The following ACAP2 variants were observed in gnomAD, a reference collection of about 807,000 sequenced individuals.
ACAP2 encodes ArfGAP with coiled-coil, ankyrin repeat and PH domains 2.
ACAP2 carries 39 observed loss-of-function variants against 115.8 expected under a neutral mutation model. That is an observed-to-expected ratio of 0.34 (90% confidence interval 0.26 to 0.44). ACAP2 has a LOEUF of 0.44. ACAP2 is among the 20% of genes least tolerant of loss of function. The pLI is 1.00. For synonymous variants in ACAP2, 289 were observed against 315.8 expected, an observed-to-expected ratio of 0.92 and a Z score of 0.90; for missense variants, 662 against 927.6, an observed-to-expected ratio of 0.71 and a Z score of 3.72.
intron 9 of ACAP2, chr3:195,325,412 T>C (rs565659225): frequency 3.1e-4 from 128 of 410,150 alleles, no homozygotes; most frequent in African/African-American, 2.8e-3. Flanking sequence ...TTTAGTGGAC[T>C]GATTTTTTTT....
intron 1 of ACAP2, among the ~76,000 whole-genome samples, chr3:195,433,403 A>C (rs1715290493): frequency 6.6e-6 from 1 of 152,236 alleles, no homozygotes; most frequent in African/African-American, 2.4e-5. Context: ...ATCTAAAAAT[A>C]TAGTTTTACT....
chr3:195,353,273 C>T (rs116420460), intron 4 of ACAP2, among the ~76,000 whole-genome samples: 3,217 of 152,192 alleles, frequency 0.021, 51 homozygotes, highest in Middle Eastern at 0.065. Context: ...AACTAAGCCA[C>T]TCCCAAATTC....
chr3:195,367,034 T>C (rs182327947), intron 4 of ACAP2, among the ~76,000 whole-genome samples: 179 of 128,668 alleles, frequency 1.4e-3, no homozygotes, highest in Admixed American at 2.8e-3. Context: ...TAAAAACTTA[T>C]ATGCCCCCCA....
chr3:195,299,687 A>T (rs898880398), intron 15 of ACAP2, among the ~76,000 whole-genome samples: 6 of 152,126 alleles, frequency 3.9e-5, no homozygotes, highest in Non-Finnish European at 7.4e-5. Flanking sequence ...AAATACAAAA[A>T]ATTAGCTGGG....
chr3:195,395,657 G>C (rs1418467168), intron 1 of ACAP2, among the ~76,000 whole-genome samples: 1 of 152,244 alleles, frequency 6.6e-6, no homozygotes, highest in Non-Finnish European at 1.5e-5. Flanking sequence ...AGCTGCAAGA[G>C]AGACCATATG....
At chr3:195,419,362 G>T (rs1472987014) in intron 1 of ACAP2, 1 of 152,072 alleles carries the variant, frequency 6.6e-6, no homozygotes, top group Non-Finnish European at 1.5e-5. Flanking sequence ...AAATACATAG[G>T]ATTTGAAAGT....
chr3:195,321,699 T>G (rs1052006931), intron 9 of ACAP2, among the ~76,000 whole-genome samples: 1 of 151,518 alleles, frequency 6.6e-6, no homozygotes, highest in Admixed American at 6.6e-5. Context: ...CTGCAACCTC[T>G]GCCTCCCCGT....
chr3:195,418,422 A>C (rs1473866739), intron 1 of ACAP2, among the ~76,000 whole-genome samples: 1 of 152,228 alleles, frequency 6.6e-6, no homozygotes, highest in African/African-American at 2.4e-5. Flanking sequence ...TAAAAGGTAG[A>C]ATTTCCTTCA....
At chr3:195,330,175 A>G (rs1273705997) in intron 8 of ACAP2, among the ~76,000 whole-genome samples, 1 of 152,198 alleles carries the variant, frequency 6.6e-6, no homozygotes, top group Non-Finnish European at 1.5e-5. Context: ...CAATATATTT[A>G]AGCATGAATT....
chr3:195,405,450 GC>G (rs1376083445), intron 1 of ACAP2, among the ~76,000 whole-genome samples: 2 of 152,130 alleles, frequency 1.3e-5, no homozygotes, highest in Non-Finnish European at 2.9e-5. Flanking sequence ...ACTTTGAGAG[GC>G]CAAGGTGGGC....
chr3:195,334,143 G>T (rs1262845947), intron 7 of ACAP2, among the ~76,000 whole-genome samples: 1 of 150,928 alleles, frequency 6.6e-6, no homozygotes, highest in East Asian at 1.9e-4. Context: ...TCAACAAGTG[G>T]CATCTGTTCA....
At chr3:195,431,380 G>C (rs749294563) in intron 1 of ACAP2, among the ~76,000 whole-genome samples, 42 of 151,804 alleles carry the variant, frequency 2.8e-4, no homozygotes, top group Non-Finnish European at 1.3e-4. Flanking sequence ...ATTTCTCTTG[G>C]GTATACACCT....
At chr3:195,288,635 A>G (rs571210203) in intron 21 of ACAP2, among the ~76,000 whole-genome samples, 9 of 152,024 alleles carry the variant, frequency 5.9e-5, no homozygotes, top group Non-Finnish European at 1.2e-4. Flanking sequence ...AGGCGGGTGG[A>G]TCACCTGAGG....
intron 1 of ACAP2, among the ~76,000 whole-genome samples, chr3:195,437,474 CAATT>C (rs1400138939): frequency 6.6e-6 from 1 of 152,092 alleles, no homozygotes; most frequent in African/African-American, 2.4e-5. Context: ...TTTAAAAAGT[CAATT>C]AATCTATCAA....
intron 1 of ACAP2, among the ~76,000 whole-genome samples, chr3:195,428,200 CATAT>C (rs941844550): frequency 4.2e-4 from 64 of 150,786 alleles, no homozygotes; most frequent in African/African-American, 1.5e-3. Flanking sequence ...TACATGTATA[CATAT>C]ATAGTCATAA....
chr3:195,345,047 C>G (rs756271136), intron 5 of ACAP2, among the ~76,000 whole-genome samples: 1 of 152,100 alleles, frequency 6.6e-6, no homozygotes, highest in African/African-American at 2.4e-5. Flanking sequence ...TTCCAGAACA[C>G]GTATTTGTGG....
At chr3:195,396,588 T>C (rs1313516509) in intron 1 of ACAP2, among the ~76,000 whole-genome samples, 1 of 151,702 alleles carries the variant, frequency 6.6e-6, no homozygotes, top group Admixed American at 6.6e-5. Flanking sequence ...AGGAGTTCAA[T>C]ACCAGCCTGG....
intron 1 of ACAP2, among the ~76,000 whole-genome samples, chr3:195,408,843 A>C (rs1713007526): frequency 6.6e-6 from 1 of 152,210 alleles, no homozygotes; most frequent in African/African-American, 2.4e-5. Flanking sequence ...AATGAAGGGA[A>C]AAAAATCCAT....
intron 1 of ACAP2, among the ~76,000 whole-genome samples, chr3:195,416,633 A>G (rs1473038671): frequency 6.6e-6 from 1 of 152,184 alleles, no homozygotes; most frequent in African/African-American, 2.4e-5. Flanking sequence ...CTATGAACAC[A>G]GTGTTCATTT....
Sources: gnomAD v4.1 joint callset for allele counts (sites outside exome capture counted in the v4.1 genomes callset) on GRCh38, gnomAD v4.1.1 for gene constraint, MANE v1.5 for transcripts, NCBI Gene and HGNC (gene_info 2026-07-23, HGNC 2026-07-21) for gene names.